Variants in NDUFAF2 observed in about 807,000 individuals in gnomAD.
NDUFAF2 encodes NADH:ubiquinone oxidoreductase complex assembly factor 2, also known as NADH dehydrogenase [ubiquinone] 1 alpha subcomplex assembly factor 2.
In NDUFAF2, 13 loss-of-function variants were observed where a neutral mutation model predicts 22.8. That is an observed-to-expected ratio of 0.57 (90% CI 0.37 to 0.91). The LOEUF (loss-of-function observed/expected upper bound fraction) is 0.91. NDUFAF2 is among the 40% of genes least tolerant of loss of function. The probability of loss-of-function intolerance (pLI) is 0.01; values close to 1 mark genes in which losing one functional copy is unlikely to be tolerated. For missense variants in NDUFAF2, 162 were observed against 195.2 expected (o/e 0.83, Z 1.01); for synonymous variants, 53 against 64.2 (o/e 0.83, Z 0.84).
intron 1 of NDUFAF2, among the ~76,000 whole-genome samples, chr5:61,034,387 C>A (rs942672064): frequency 6.6e-6 from 1 of 152,022 alleles, no homozygotes; most frequent in Non-Finnish European, 1.5e-5. Context: ...AGCCTGTTGC[C>A]CCTGTACAAC....
chr5:61,009,841 T>C (rs963810893), intron 1 of NDUFAF2, among the ~76,000 whole-genome samples: 1 of 152,040 alleles, frequency 6.6e-6, no homozygotes, highest in African/African-American at 2.4e-5. Flanking sequence ...ATCAGCATGT[T>C]AAAACTGAAA....
intron 1 of NDUFAF2, among the ~76,000 whole-genome samples, chr5:61,021,515 C>A (rs1751583562): frequency 6.6e-6 from 1 of 152,132 alleles, no homozygotes; most frequent in Admixed American, 6.5e-5. Context: ...TATACAAAGT[C>A]ATTTTTGCCA....
chr5:61,102,047 A>T (rs1222880337), intron 3 of NDUFAF2, among the ~76,000 whole-genome samples: 1 of 152,224 alleles, frequency 6.6e-6, no homozygotes, highest in South Asian at 2.1e-4. Context: ...CATTTATAAC[A>T]TGTTGCTGGA....
intron 1 of NDUFAF2, among the ~76,000 whole-genome samples, chr5:61,061,586 G>T (rs1248176523): frequency 6.6e-6 from 1 of 152,194 alleles, no homozygotes; most frequent in Non-Finnish European, 1.5e-5. Context: ...GGATGATAGA[G>T]TGTGCCTCAG....
chr5:61,047,247 G>A (rs551046298), intron 1 of NDUFAF2, among the ~76,000 whole-genome samples: 1 of 151,956 alleles, frequency 6.6e-6, no homozygotes, highest in Non-Finnish European at 1.5e-5. Context: ...ACTATTCTTG[G>A]CACTTTACAT....
At chr5:61,006,335 G>A (rs1160449957) in intron 1 of NDUFAF2, among the ~76,000 whole-genome samples, 1 of 152,078 alleles carries the variant, frequency 6.6e-6, no homozygotes, top group Non-Finnish European at 1.5e-5. Context: ...TTCTGTTTTG[G>A]TTACTGTAGC....
intron 1 of NDUFAF2, among the ~76,000 whole-genome samples, chr5:61,012,161 T>C (rs1340157026): frequency 1.3e-5 from 2 of 152,176 alleles, no homozygotes; most frequent in Non-Finnish European, 2.9e-5. Flanking sequence ...CTCACATCTT[T>C]ATGTTCCTCC....
At chr5:61,045,533 C>T (rs1751943251) in intron 1 of NDUFAF2, among the ~76,000 whole-genome samples, 1 of 151,548 alleles carries the variant, frequency 6.6e-6, no homozygotes. Context: ...GAGACGGGGT[C>T]TCGCTATTTT....
chr5:60,971,851 CCAGTCTAT>C (rs1203203715), intron 1 of NDUFAF2, among the ~76,000 whole-genome samples: 1 of 151,936 alleles, frequency 6.6e-6, no homozygotes, highest in Admixed American at 6.6e-5. Flanking sequence ...TTTTCTTAAT[CCAGTCTAT>C]CATTGATGGA....
At chr5:61,113,616 C>T (rs1480428008) in intron 3 of NDUFAF2, among the ~76,000 whole-genome samples, 3 of 151,966 alleles carry the variant, frequency 2.0e-5, no homozygotes, top group Non-Finnish European at 2.9e-5. Flanking sequence ...AGGGGTTTTC[C>T]TCCTTTTGCT....
chr5:61,107,898 T>C (rs1368861855), intron 3 of NDUFAF2, among the ~76,000 whole-genome samples: 3 of 146,246 alleles, frequency 2.1e-5, no homozygotes, highest in Non-Finnish European at 3.0e-5. Context: ...TTCCCACCTA[T>C]GAGTGAGAAG....
chr5:61,010,565 G>A (rs1751431102), intron 1 of NDUFAF2, among the ~76,000 whole-genome samples: 1 of 151,924 alleles, frequency 6.6e-6, no homozygotes, highest in Non-Finnish European at 1.5e-5. Context: ...TCTAGACTGG[G>A]TTAGAATCCT....
intron 1 of NDUFAF2, among the ~76,000 whole-genome samples, chr5:60,957,601 G>A (rs986215902): frequency 2.0e-5 from 3 of 151,652 alleles, no homozygotes; most frequent in Non-Finnish European, 2.9e-5. Context: ...GTCTTTTGCA[G>A]CATAGCCCTC....
At chr5:60,964,121 CT>C (rs1411112471) in intron 1 of NDUFAF2, among the ~76,000 whole-genome samples, 5 of 151,920 alleles carry the variant, frequency 3.3e-5, no homozygotes, top group Non-Finnish European at 5.9e-5. Flanking sequence ...ATTTAAGAGG[CT>C]TTTTTGATGT....
Position 61,150,827 on chromosome 5 carries a change from C to T in NDUFAF2, c.259-1877C>T, listed in dbSNP as rs901664595. Among the ~76,000 whole-genome samples, 6 of 152,254 alleles carry T rather than the reference C, an allele frequency of 3.9e-5. No individual in the cohort carries two copies. In the South Asian group the frequency reaches 1.2e-3, roughly 32 times the overall value. On this transcript the variant is annotated intron_variant, in intron 3 of 3. Transcript: ENST00000296597. The stretch of plus-strand genomic sequence containing the variant: ...CAGGGACTTGAATTTTTGTCTACTT[C>T]CACTATTTCCAGTATGATATTGAGG...
rs6868737 is a variant in NDUFAF2, at chr5:60,992,024, A to C, written c.127+46642A>C. On this transcript the variant is annotated intron_variant, in intron 1 of 3. Coordinates refer to ENST00000296597, the MANE Select transcript of NDUFAF2 (RefSeq NM_174889.5). ...GACATGATGTCTTATTGTAGTTTTGATTTAGATTTCTTTAATGATCAGTGA... is the reference window on the plus strand; with the variant it reads ...GACATGATGTCTTATTGTAGTTTTGCTTTAGATTTCTTTAATGATCAGTGA... Among the ~76,000 whole-genome samples, 105 of 152,220 alleles carry C rather than the reference A, an allele frequency of 6.9e-4. 1 individual carries two copies. Among genetic ancestry groups the C allele is most frequent in the African/African-American group, 2.4e-3 (100 of 41,526 alleles).
chr5:61,038,462 C>T (rs1449651645), intron 1 of NDUFAF2, among the ~76,000 whole-genome samples: 1 of 152,136 alleles, frequency 6.6e-6, no homozygotes, highest in Non-Finnish European at 1.5e-5. Flanking sequence ...TCATTGGTCA[C>T]ACCTGTAAAT....
intron 3 of NDUFAF2, among the ~76,000 whole-genome samples, chr5:61,144,555 A>G (rs1741107787): frequency 6.6e-6 from 1 of 152,192 alleles, no homozygotes; most frequent in Non-Finnish European, 1.5e-5. Flanking sequence ...AGACTGAGGA[A>G]TGTTCACTCC....
In NDUFAF2 at chr5:61,048,454, T is replaced by A. The variant is rs892474746; in HGVS notation, c.128-24671T>A. On this transcript the variant is annotated intron_variant, in intron 1 of 3. Coordinates refer to ENST00000296597, the MANE Select transcript of NDUFAF2 (RefSeq NM_174889.5). ...CCTGGAACTATTTCAAAGGCATATA[T>A]GGTTTTTGTTTTTATAGGAAGTGAA... is the stretch of plus-strand genomic sequence containing the variant. Among the ~76,000 whole-genome samples, 3 of 152,272 alleles carry A rather than the reference T, an allele frequency of 2.0e-5. No individual in the cohort carries two copies. In the East Asian group the frequency reaches 5.8e-4, roughly 29 times the overall value.
Sources: allele counts gnomAD v4.1 joint callset (sites outside exome capture counted in the v4.1 genomes callset), GRCh38; gene constraint gnomAD v4.1.1; transcripts MANE v1.5; gene names NCBI Gene and HGNC (gene_info 2026-07-23, HGNC 2026-07-21).